Variants in SERPINF1 observed in about 807,000 individuals in gnomAD.
The protein encoded by SERPINF1 is pigment epithelium-derived factor.
Under a neutral mutation model 37.3 loss-of-function variants are expected in SERPINF1, and 29 were observed. The observed-to-expected ratio is 0.78, with a 90% CI of 0.58 to 1.06. The LOEUF (loss-of-function observed/expected upper bound fraction) is 1.06. SERPINF1 is among the 50% of genes least tolerant of loss of function. The pLI is 0.00. For synonymous variants in SERPINF1, 281 were observed against 227.9 expected (o/e 1.23, Z -2.10); for missense variants, 553 against 532.2 (o/e 1.04, Z -0.38).
intron 5 of SERPINF1, among the ~76,000 whole-genome samples, chr17:1,773,604 C>T (rs1395763863): frequency 1.3e-5 from 2 of 152,234 alleles, no homozygotes; most frequent in Non-Finnish European, 2.9e-5. Flanking sequence ...ACTCTGCACA[C>T]ATTTCATAAC....
intron 2 of SERPINF1, among the ~76,000 whole-genome samples, chr17:1,768,291 T>C (rs974162040): frequency 6.0e-5 from 9 of 150,982 alleles, no homozygotes; most frequent in Non-Finnish European, 5.9e-5. Context: ...ATTAGCTGGG[T>C]GTGGTGGGGG....
chr17:1,774,182 A>G (rs965142180), intron 5 of SERPINF1, among the ~76,000 whole-genome samples: 9 of 152,104 alleles, frequency 5.9e-5, no homozygotes, highest in Admixed American at 4.6e-4. Context: ...GTAGGAGTGC[A>G]CACCAGTTTA....
At chr17:1,775,707 CTAA>C (rs1041203108) in intron 6 of SERPINF1, among the ~76,000 whole-genome samples, 22 of 152,098 alleles carry the variant, frequency 1.4e-4, no homozygotes, top group African/African-American at 4.6e-4. Flanking sequence ...CCATGCCTGG[CTAA>C]TTTTATACAG....
At chr17:1,770,931 A>T (rs1907685784) in intron 3 of SERPINF1, 98 bp from the exon 4 acceptor site, 7 of 1,484,540 alleles carry the variant, frequency 4.7e-6, no homozygotes, top group Non-Finnish European at 6.6e-6. Flanking sequence ...GGCTCTCAGC[A>T]GACAAAAAAG....
Position 1,777,312 on chromosome 17 carries a change from C to T in SERPINF1, c.1123C>T (p.Pro375Ser), listed in dbSNP as rs928277463. ...GGATGGGGCGGGAACCACCCCCAGC[C>T]CAGGGCTGCAGCCTGCCCACCTCAC... The part of the protein sequence containing the change: ...NEDGAGTTPS[P>S]GLQPAHLTFP... Residue 375 changes from proline (P) to serine (S), a missense_variant, in exon 8 of 8, where the codon CCA (proline) becomes TCA (serine). Physicochemically the swap from Pro to Ser is moderately conservative, Grantham distance 74. Transcript: ENST00000254722. 3 of 1,614,024 alleles carry T rather than the reference C, an allele frequency of 1.9e-6. No individual in the cohort carries two copies. The highest frequency in any genetic ancestry group is 1.3e-5 in the African/African-American group (1 of 74,900).
At chr17:1,771,823 T>C (rs758371061) in intron 4 of SERPINF1, 49 bp from the exon 5 acceptor site, 7 of 1,572,164 alleles carry the variant, frequency 4.5e-6, no homozygotes, top group South Asian at 2.2e-5. Context: ...AAAGACGGGA[T>C]GCTTGTCGTC....
At chr17:1,770,088 G>T in intron 3 of SERPINF1, 38 bp downstream of exon 3, 1 of 1,607,166 alleles carries the variant, frequency 6.2e-7, no homozygotes, top group Non-Finnish European at 8.5e-7. Context: ...GGCAGACCTG[G>T]AGAGGCCCCC....
At chr17:1,776,910 T>C (rs1395373989) in intron 7 of SERPINF1, among the ~76,000 whole-genome samples, 168 bp downstream of exon 7, 1 of 151,290 alleles carries the variant, frequency 6.6e-6, no homozygotes, top group Non-Finnish European at 1.5e-5. Context: ...CTGCCTTCTC[T>C]CATCAGACTC....
At chr17:1,765,119 C>G (rs1228283624) in intron 1 of SERPINF1, among the ~76,000 whole-genome samples, 1 of 148,386 alleles carries the variant, frequency 6.7e-6, no homozygotes, top group Non-Finnish European at 1.5e-5. Flanking sequence ...GCTGGGATTA[C>G]AGGTTTGAGC....
chr17:1,769,775 A>G, intron 2 of SERPINF1, 77 bp from the exon 3 acceptor site: 1 of 1,528,934 alleles, frequency 6.5e-7, no homozygotes, highest in Non-Finnish European at 9.1e-7. Context: ...CACCCTACAC[A>G]AAGCCGTGAG....
At chr17:1,773,603 A>G (rs551548676) in intron 5 of SERPINF1, among the ~76,000 whole-genome samples, 2 of 152,360 alleles carry the variant, frequency 1.3e-5, no homozygotes, top group East Asian at 1.9e-4. Context: ...AACTCTGCAC[A>G]CATTTCATAA....
chr17:1,773,918 C>T (rs758269327), intron 5 of SERPINF1, among the ~76,000 whole-genome samples: 12 of 152,168 alleles, frequency 7.9e-5, no homozygotes, highest in Non-Finnish European at 1.6e-4. Context: ...GGCCCCCGAG[C>T]CTGGACAAAA....
chr17:1,769,994 C>T lies in SERPINF1; in HGVS notation c.227C>T (p.Thr76Ile), dbSNP rs897407613. 10 of 1,614,052 alleles carry T rather than the reference C, an allele frequency of 6.2e-6. No individual in the cohort carries two copies. In the African/African-American group the frequency reaches 1.1e-4, roughly 17 times the overall value. The change falls in exon 3 of 8, where the codon ACC becomes ATC. Residue 76 changes from threonine (T) to isoleucine (I), a missense_variant. By Grantham distance (89) the Thr-to-Ile change is moderately conservative. Transcript: ENST00000254722. ...YRVRSSTSPT[T>I]NVLLSPLSVA... ...GTGCGATCCAGCACGAGCCCCACGA[C>T]CAACGTGCTCCTGTCTCCTCTCAGT...
At chr17:1,765,507 A>G (rs1432926444) in intron 1 of SERPINF1, among the ~76,000 whole-genome samples, 1 of 151,592 alleles carries the variant, frequency 6.6e-6, no homozygotes, top group Non-Finnish European at 1.5e-5. Context: ...TTTTTAGTAT[A>G]GATGGGGTTT....
chr17:1,764,987 G>A (rs1196397397), intron 1 of SERPINF1, among the ~76,000 whole-genome samples: 1 of 151,686 alleles, frequency 6.6e-6, no homozygotes, highest in African/African-American at 2.4e-5. Flanking sequence ...GGGATTACAG[G>A]CATGCGCCAC....
chr17:1,770,047 C>G lies in SERPINF1; in HGVS notation c.280C>G (p.Leu94Val), dbSNP rs550540312. ...SVATALSALSLGAEQRTESII... is the reference protein window; with the variant it reads ...SVATALSALSVGAEQRTESII... Reference sequence around the variant, plus strand: ...GGCCACGGCCCTCTCGGCCCTCTCGCTGGGTGAGTGCTCAGATGCAGGAAG... The same window carrying G: ...GGCCACGGCCCTCTCGGCCCTCTCGGTGGGTGAGTGCTCAGATGCAGGAAG... Residue 94 changes from leucine to valine, a missense_variant, in exon 3 of 8, where the codon CTG becomes GTG. Leu to Val is a conservative substitution (Grantham distance 32). Transcript: ENST00000254722. The G allele has an allele frequency of 6.2e-7, 1 of 1,614,124 alleles. No individual in the cohort carries two copies. The highest frequency in any genetic ancestry group is 1.3e-5 in the African/African-American group (1 of 75,072).
chr17:1,777,133 T>C lies in SERPINF1; in HGVS notation c.998-54T>C, dbSNP rs1400139917. 4 of 1,613,348 alleles carry C rather than the reference T, an allele frequency of 2.5e-6. No homozygotes were observed. In the East Asian group the frequency reaches 8.9e-5, roughly 36 times the overall value. On this transcript the variant is annotated intron_variant, in intron 7 of 7. Transcript: ENST00000254722. The stretch of plus-strand genomic sequence containing the variant: ...GCTTGCTTGCAAAGGGATCCCTTGG[T>C]TGGGGTGTTGGGGAAGGCAGGGTTT...
chr17:1,769,595 G>A, intron 2 of SERPINF1: 1 of 535,146 alleles, frequency 1.9e-6, no homozygotes, highest in Non-Finnish European at 3.4e-6. Flanking sequence ...CTGAACTCTA[G>A]CCTGGGTGAC....
intron 5 of SERPINF1, among the ~76,000 whole-genome samples, chr17:1,773,063 G>C (rs928369790): frequency 1.3e-5 from 2 of 152,160 alleles, no homozygotes; most frequent in East Asian, 1.9e-4. Context: ...CATGGAGTCT[G>C]GGTCACAGCT....
Sources: gnomAD v4.1 joint callset for allele counts (sites outside exome capture counted in the v4.1 genomes callset) on GRCh38, gnomAD v4.1.1 for gene constraint, MANE v1.5 for transcripts, NCBI Gene and HGNC (gene_info 2026-07-23, HGNC 2026-07-21) for gene names.